DRC1: variants seen among roughly 807,000 people sequenced by gnomAD.
DRC1 encodes dynein regulatory complex protein 1.
Under a neutral mutation model 98.7 loss-of-function variants are expected in DRC1, and 74 were observed. The observed-to-expected ratio is 0.75, with a 90% CI of 0.62 to 0.91. The LOEUF is 0.91. DRC1 is among the 40% of genes least tolerant of loss of function. The pLI is 0.00. For synonymous variants in DRC1, 336 were observed against 334.1 expected (o/e 1.01, Z -0.06); for missense variants, 875 against 886.0 (o/e 0.99, Z 0.16).
chr2:26,427,101 A>C (rs1057172140), intron 4 of DRC1, among the ~76,000 whole-genome samples: 2 of 152,060 alleles, frequency 1.3e-5, no homozygotes, highest in African/African-American at 4.8e-5. Context: ...CTGATTTAAA[A>C]TTTTTTAAAC....
chr2:26,429,181 A>AGATGAT (rs765278983), intron 4 of DRC1, among the ~76,000 whole-genome samples: 1 of 26,374 alleles, frequency 3.8e-5, no homozygotes, highest in Non-Finnish European at 1.2e-4. Flanking sequence ...CTCTTTGTAC[A>AGATGAT]GATGATTATT....
rs560788801 is a variant in DRC1, at chr2:26,456,456, T to C, written c.2167-5T>C. On this transcript the variant is annotated splice_region_variant and splice_polypyrimidine_tract_variant and intron_variant, in intron 16 of 16. Coordinates refer to ENST00000288710, the MANE Select transcript of DRC1 (RefSeq NM_145038.5). The stretch of plus-strand genomic sequence containing the variant: ...ATGTAACGACTTTCACCCTTTCTTT[T>C]CCAGATCAACTCTGAACTGCAAGTT... 2.7e-5 allele frequency: 43 copies of C among 1,614,130 alleles called. No individual in the cohort carries two copies. The South Asian group carries it at 4.2e-4, about 16-fold the overall frequency.
chr2:26,445,046 G>T (rs1440985162), intron 10 of DRC1, 98 bp downstream of exon 10: 7 of 1,257,652 alleles, frequency 5.6e-6, no homozygotes, highest in East Asian at 5.0e-5. Flanking sequence ...GGAGGAGGGG[G>T]AAGAGTATGA....
At chr2:26,449,687 G>T (rs1196926484) in intron 11 of DRC1, among the ~76,000 whole-genome samples, 3 of 152,244 alleles carry the variant, frequency 2.0e-5, no homozygotes, top group Non-Finnish European at 4.4e-5. Context: ...ACTGTGGTGG[G>T]GGCCTCAGGA....
At chr2:26,421,885 T>A (rs2147985758) in intron 3 of DRC1, among the ~76,000 whole-genome samples, 2 of 152,198 alleles carry the variant, frequency 1.3e-5, no homozygotes. Flanking sequence ...TTTCCTCCCC[T>A]CCTCAAGCAC....
chr2:26,444,327 GCAATT>G lies in DRC1; in HGVS notation c.1138_1142del (p.Phe380GlyfsTer13). ...CCTCGGACTACAAACGTCTTGTGAT[GCAATT>G]CAAGGAGCTACAGAAAGCCATGAGG... is the stretch of plus-strand genomic sequence containing the variant. On this transcript the variant is annotated frameshift_variant, in exon 9 of 17. Coordinates refer to ENST00000288710, the MANE Select transcript of DRC1 (RefSeq NM_145038.5). LOFTEE classifies it high-confidence loss of function. 6.2e-7 allele frequency: 1 copy of G among 1,614,158 alleles called. No homozygotes were observed. Among genetic ancestry groups the G allele is most frequent in the Non-Finnish European group, 8.5e-7 (1 of 1,180,016 alleles).
chr2:26,437,290 C>A (rs957627774), intron 7 of DRC1, among the ~76,000 whole-genome samples: 2 of 152,200 alleles, frequency 1.3e-5, no homozygotes. Flanking sequence ...TGAAATGAGG[C>A]TGTGCTGTTG....
At chr2:26,450,704 G>T (rs1246223857) in intron 13 of DRC1, 23 bp downstream of exon 13, 1 of 1,514,522 alleles carries the variant, frequency 6.6e-7, no homozygotes, top group Non-Finnish European at 8.8e-7. Context: ...GCAGAGAGAA[G>T]AAAGCATTTT....
chr2:26,452,439 T>C (rs757706429), intron 13 of DRC1, among the ~76,000 whole-genome samples: 2 of 152,190 alleles, frequency 1.3e-5, no homozygotes, highest in Non-Finnish European at 2.9e-5. Flanking sequence ...TTTGTATTTT[T>C]AGTAGAGATG....
Position 26,418,262 on chromosome 2 carries a change from T to A in DRC1, c.244-3026T>A, listed in dbSNP as rs1204857008. On this transcript the variant is annotated intron_variant, in intron 2 of 16. Coordinates refer to ENST00000288710, the MANE Select transcript of DRC1 (RefSeq NM_145038.5). The stretch of plus-strand genomic sequence containing the variant: ...TCCTGCTCAGGGCAGATGAGGCCAA[T>A]GTTATGCAACCCCTGGGGCTAACAG... Among the ~76,000 whole-genome samples, 4 of 151,688 alleles carry A rather than the reference T, an allele frequency of 2.6e-5. No homozygotes were observed. In the East Asian group the frequency reaches 7.7e-4, roughly 29 times the overall value.
At chr2:26,409,896 G>T (rs1678545473) in intron 1 of DRC1, among the ~76,000 whole-genome samples, 1 of 151,850 alleles carries the variant, frequency 6.6e-6, no homozygotes, top group Non-Finnish European at 1.5e-5. Flanking sequence ...TGGTAGATAT[G>T]AAAATTAACA....
chr2:26,416,633 G>A lies in DRC1; in HGVS notation c.243+2202G>A, dbSNP rs1189750765. 2.0e-5 allele frequency among the ~76,000 whole-genome samples: 3 copies of A among 152,126 alleles called. No homozygotes were observed. The South Asian group carries it at 6.2e-4, about 32-fold the overall frequency. ...GGGTTCCAGGTTCATTGTTTTCTATGTAGATTTTTAGTTGACCCAGCACCG... is the reference window on the plus strand; with the variant it reads ...GGGTTCCAGGTTCATTGTTTTCTATATAGATTTTTAGTTGACCCAGCACCG... On this transcript the variant is annotated intron_variant, in intron 2 of 16. Transcript: ENST00000288710.
At chr2:26,425,945 C>T (rs111311742) in intron 4 of DRC1, among the ~76,000 whole-genome samples, 1 of 151,880 alleles carries the variant, frequency 6.6e-6, no homozygotes, top group Non-Finnish European at 1.5e-5. Context: ...ATTTTGCTGC[C>T]TGGGATTTTG....
chr2:26,446,843 G>A (rs745783331), intron 10 of DRC1, among the ~76,000 whole-genome samples: 53 of 152,314 alleles, frequency 3.5e-4, no homozygotes, highest in Middle Eastern at 3.4e-3. Context: ...TGTAATCCCA[G>A]CACTTTGGGA....
intron 8 of DRC1, 44 bp downstream of exon 8, chr2:26,440,561 T>G: frequency 1.3e-6 from 2 of 1,590,118 alleles, no homozygotes; most frequent in South Asian, 1.2e-5. Context: ...CCTTCTGTGC[T>G]GAGAATAGGG....
At position 26,455,206 on chromosome 2, in the gene DRC1, G is replaced by GCTATC. The variant is rs770470155; in HGVS notation, c.2142_2143insTCCTA (p.Leu715SerfsTer7). On this transcript the variant is annotated frameshift_variant, in exon 16 of 17. Coordinates refer to ENST00000288710, the MANE Select transcript of DRC1 (RefSeq NM_145038.5). LOFTEE classifies it high-confidence loss of function. ...AGCAGCAGAACACAGAGCTGCAGGC[G>GCTATC]CTACTGCAGCAGTATCTGAACTCCA... 6.2e-7 allele frequency: 1 copy of GCTATC among 1,613,878 alleles called. No homozygotes were observed. The highest frequency in any genetic ancestry group is 1.1e-5 in the South Asian group (1 of 91,074).
chr2:26,402,023 C>A lies in DRC1; in HGVS notation c.34C>A (p.Pro12Thr), dbSNP rs1269863410. ...GCCGGGGTCCCTAGAGGCCCTGGAC[C>A]CGAACGTGGACGAGCACTTGTCCAC... is the stretch of plus-strand genomic sequence containing the variant. ...NPPGSLEALD[P>T]NVDEHLSTQI... The change falls in exon 1 of 17, where the codon CCG becomes ACG. Residue 12 changes from proline to threonine, a missense_variant. Physicochemically the swap from Pro to Thr is conservative, Grantham distance 38. Transcript: ENST00000288710. The A allele has an allele frequency of 6.2e-7, 1 of 1,611,714 alleles. No homozygotes were observed. Among genetic ancestry groups the A allele is most frequent in the Non-Finnish European group, 8.5e-7 (1 of 1,179,236 alleles).
intron 3 of DRC1, among the ~76,000 whole-genome samples, chr2:26,422,319 C>T (rs1663167878): frequency 6.6e-6 from 1 of 152,052 alleles, no homozygotes; most frequent in Non-Finnish European, 1.5e-5. Context: ...ATGACCAGAC[C>T]CACGAATACC....
intron 11 of DRC1, among the ~76,000 whole-genome samples, 164 bp from the exon 12 acceptor site, chr2:26,449,832 G>A (rs981687678): frequency 2.8e-4 from 42 of 152,110 alleles, no homozygotes; most frequent in African/African-American, 9.9e-4. Context: ...GGGCGTTCAT[G>A]GGCACCCCAA....
Sources: gnomAD v4.1 joint callset for allele counts (sites outside exome capture counted in the v4.1 genomes callset) on GRCh38, gnomAD v4.1.1 for gene constraint, MANE v1.5 for transcripts, NCBI Gene and HGNC (gene_info 2026-07-23, HGNC 2026-07-21) for gene names.